The following ZNF469 variants were observed in gnomAD, a reference collection of about 807,000 sequenced individuals.
ZNF469 encodes the protein zinc finger protein 469.
ZNF469 carries 1 observed loss-of-function variant against 1.0 expected under a neutral mutation model. That is an observed-to-expected ratio of 1.00 (90% CI 0.35 to 4.73). The LOEUF (loss-of-function observed/expected upper bound fraction) is 4.73, where lower values mean the gene tolerates loss of function less well. ZNF469 is among the 30% of genes most tolerant of loss of function. The probability of loss-of-function intolerance (pLI) is 0.16; values close to 1 mark genes in which losing one functional copy is unlikely to be tolerated. For missense variants in ZNF469, 6,100 were observed against 5,356.3 expected (o/e 1.14, Z -4.33); for synonymous variants, 2,703 against 2,363.4 (o/e 1.14, Z -4.17).
chr16:88,214,249 A>G, the ZNF469 span, among the ~76,000 whole-genome samples: 40 of 152,350 alleles, frequency 2.6e-4, no homozygotes, highest in African/African-American at 9.6e-4. Flanking sequence ...GAGCACGCCC[A>G]GGGGTTTTCC....
the ZNF469 span, among the ~76,000 whole-genome samples, chr16:88,211,693 C>T: frequency 6.6e-6 from 1 of 152,286 alleles, no homozygotes; most frequent in Non-Finnish European, 1.5e-5. Flanking sequence ...ACTGTGGGCT[C>T]TGTCTGTTTT....
rs1187365054 is a variant in ZNF469, at chr16:88,396,860, G to T, written c.-192+13606G>T. Among the ~76,000 whole-genome samples the T allele has an allele frequency of 7.4e-5, 11 of 149,248 alleles. 1 individual carries two copies. The highest frequency in any genetic ancestry group is 2.7e-4 in the African/African-American group (11 of 40,322). ...CCTGGAGGAGACCCTCCTGAAGGGA[G>T]GCCGGGAGGACACCCTCCTGAAGGG... On this transcript the variant is annotated intron_variant, in intron 1 of 2. Coordinates refer to ENST00000565624, the MANE Select transcript of ZNF469 (RefSeq NM_001367624.2).
chr16:88,347,289 C>T, the ZNF469 span, among the ~76,000 whole-genome samples: 4 of 152,166 alleles, frequency 2.6e-5, no homozygotes, highest in African/African-American at 7.2e-5. Flanking sequence ...CCCCCACACC[C>T]GTGCACGGGC....
chr16:88,104,466 CCTTTCATTACCCCGGACGTT>C, the ZNF469 span, among the ~76,000 whole-genome samples: 1 of 152,086 alleles, frequency 6.6e-6, no homozygotes. Context: ...CTTGCCGGCC[CCTTTCATTACCCCGGACGTT>C]AAGTCCCCAG....
chr16:88,116,919 C>T, the ZNF469 span, among the ~76,000 whole-genome samples: 1 of 151,678 alleles, frequency 6.6e-6, no homozygotes, highest in South Asian at 2.1e-4. Flanking sequence ...CGAATCTACA[C>T]GTGTGATAAA....
chr16:88,307,811 G>C, the ZNF469 span, among the ~76,000 whole-genome samples: 4 of 152,126 alleles, frequency 2.6e-5, no homozygotes, highest in African/African-American at 9.7e-5. Flanking sequence ...CTTTCTTAAT[G>C]GTATTATTTG....
At chr16:88,392,805 C>G (rs12325268) in intron 1 of ZNF469, among the ~76,000 whole-genome samples, 104,455 of 152,142 alleles carry the variant, frequency 0.69, 36,407 homozygotes, top group African/African-American at 0.8. Flanking sequence ...AAACCCACCT[C>G]CAACATCGCC....
intron 1 of ZNF469, among the ~76,000 whole-genome samples, chr16:88,422,839 G>T (rs1480017362): frequency 6.8e-6 from 1 of 147,404 alleles, no homozygotes. Context: ...TGATGGATGG[G>T]TGGATGGATG....
chr16:88,352,693 C>T, the ZNF469 span, among the ~76,000 whole-genome samples: 2 of 152,226 alleles, frequency 1.3e-5, no homozygotes, highest in East Asian at 1.9e-4. Flanking sequence ...TGGTAGCAGC[C>T]GTGGGGACGT....
At chr16:88,187,396 A>G in the ZNF469 span, among the ~76,000 whole-genome samples, 1 of 152,218 alleles carries the variant, frequency 6.6e-6, no homozygotes, top group Admixed American at 6.5e-5. Flanking sequence ...AAAAATGCAG[A>G]TGAAATTGCA....
chr16:88,147,742 G>A, the ZNF469 span, among the ~76,000 whole-genome samples: 9 of 152,130 alleles, frequency 5.9e-5, no homozygotes, highest in Non-Finnish European at 1.3e-4. Context: ...GAGCATGTTG[G>A]ATGCAAACTG....
the ZNF469 span, among the ~76,000 whole-genome samples, chr16:88,186,490 C>G: frequency 6.6e-6 from 1 of 152,168 alleles, no homozygotes; most frequent in South Asian, 2.1e-4. Flanking sequence ...GGGAGCTGAT[C>G]TTGGCAGGTC....
the ZNF469 span, among the ~76,000 whole-genome samples, chr16:88,275,386 C>CT: frequency 2.0e-5 from 3 of 152,152 alleles, no homozygotes; most frequent in Non-Finnish European, 4.4e-5. Context: ...ACCTGGGTTA[C>CT]TTGGAGTCAT....
intron 1 of ZNF469, among the ~76,000 whole-genome samples, chr16:88,403,547 C>T (rs955806846): frequency 4.0e-5 from 6 of 148,472 alleles, no homozygotes; most frequent in East Asian, 2.1e-4. Flanking sequence ...GAGCTGCCAT[C>T]GAGGCCACCG....
At chr16:88,231,413 G>A in the ZNF469 span, among the ~76,000 whole-genome samples, 1 of 152,260 alleles carries the variant, frequency 6.6e-6, no homozygotes, top group Admixed American at 6.5e-5. This position sits in a 1 kb window ranked among gnomAD's most constrained non-coding sequence, Gnocchi z 4.5. Flanking sequence ...GGAATCCACA[G>A]AGGACAGGTG....
chr16:88,316,260 T>C, the ZNF469 span, among the ~76,000 whole-genome samples: 1 of 152,208 alleles, frequency 6.6e-6, no homozygotes, highest in Non-Finnish European at 1.5e-5. Context: ...CTTTTATACC[T>C]TGGGCGAGTG....
the ZNF469 span, among the ~76,000 whole-genome samples, chr16:88,190,780 A>G: frequency 6.6e-6 from 1 of 152,230 alleles, no homozygotes; most frequent in Non-Finnish European, 1.5e-5. Context: ...GACCTTTTGC[A>G]GTCTTACTTT....
the ZNF469 span, among the ~76,000 whole-genome samples, chr16:88,117,210 CGTGAGAGCTGGGGTCGT>C: frequency 1.4e-3 from 200 of 142,934 alleles, no homozygotes; most frequent in Middle Eastern, 7.5e-3. Flanking sequence ...GCCGGGGACA[CGTGAGAGCTGGGGTCGT>C]GTGAGAGCTG....
At chr16:88,381,542 G>A (rs2092525432), upstream of ZNF469, among the ~76,000 whole-genome samples, 1 of 152,212 alleles carries the variant, frequency 6.6e-6, no homozygotes, top group Non-Finnish European at 1.5e-5. Flanking sequence ...GGGGACCCCT[G>A]GCCCTTGAAA....
Sources: allele counts gnomAD v4.1 joint callset (sites outside exome capture counted in the v4.1 genomes callset), GRCh38; gene constraint gnomAD v4.1.1; non-coding constraint Gnocchi (gnomAD v3.1); transcripts MANE v1.5; gene names NCBI Gene and HGNC (gene_info 2026-07-23, HGNC 2026-07-21).